The following CNTNAP2 variants were observed in gnomAD, a reference collection of about 807,000 sequenced individuals.
CNTNAP2 encodes the protein contactin associated protein 2, also known as contactin-associated protein-like 2.
In CNTNAP2, 98 loss-of-function variants were observed where a neutral mutation model predicts 155.2. The ratio of observed to expected loss-of-function variants is 0.63; its 90% confidence interval spans 0.54 to 0.75. The LOEUF (loss-of-function observed/expected upper bound fraction) is 0.75, where lower values mean the gene tolerates loss of function less well. Ranked by LOEUF, CNTNAP2 falls within the 30% of genes least tolerant of loss-of-function variation. The pLI, the probability that CNTNAP2 is intolerant of heterozygous loss-of-function variation, is 0.00. For missense variants in CNTNAP2, 1,727 were observed against 1,688.1 expected (o/e 1.02, Z -0.40); for synonymous variants, 651 against 631.2 (o/e 1.03, Z -0.47).
chr7:146,125,910 C>T (rs1403449053), intron 1 of CNTNAP2, among the ~76,000 whole-genome samples: 1 of 152,160 alleles, frequency 6.6e-6, no homozygotes, highest in Non-Finnish European at 1.5e-5. Flanking sequence ...CTCCAGGCAG[C>T]AGTACATATT....
In CNTNAP2 at chr7:147,908,560, TAGG is replaced by T. The variant is rs377656974; in HGVS notation, c.2255+4842_2255+4844del. 3.4e-4 allele frequency among the ~76,000 whole-genome samples: 52 copies of T among 152,244 alleles called. No individual in the cohort carries two copies. In the South Asian group the frequency reaches 0.011, roughly 31 times the overall value. On this transcript the variant is annotated intron_variant, in intron 14 of 23. Coordinates refer to ENST00000361727, the MANE Select transcript of CNTNAP2 (RefSeq NM_014141.6). ...TGACTTTGGGTGTAGTCTCTCTAAC[TAGG>T]AGAAGTGAGGAACACTGTCCAGGCA...
At chr7:146,527,266 G>A (rs938318731) in intron 1 of CNTNAP2, among the ~76,000 whole-genome samples, 3 of 152,122 alleles carry the variant, frequency 2.0e-5, no homozygotes, top group Non-Finnish European at 2.9e-5. Context: ...CAAGAAGAGA[G>A]CTTAGATTTT....
chr7:147,916,407 A>G (rs1800163082), intron 14 of CNTNAP2, among the ~76,000 whole-genome samples: 1 of 152,160 alleles, frequency 6.6e-6, no homozygotes, highest in African/African-American at 2.4e-5. Flanking sequence ...ACTGCCCCCA[A>G]ATAATATTGA....
At chr7:146,201,122 G>A (rs1258826251) in intron 1 of CNTNAP2, among the ~76,000 whole-genome samples, 1 of 152,094 alleles carries the variant, frequency 6.6e-6, no homozygotes, top group Non-Finnish European at 1.5e-5. Flanking sequence ...AACTTTTGCT[G>A]TGTAGAAAGG....
At chr7:148,328,431 C>T (rs912118852) in intron 21 of CNTNAP2, among the ~76,000 whole-genome samples, 1 of 152,152 alleles carries the variant, frequency 6.6e-6, no homozygotes, top group African/African-American at 2.4e-5. Context: ...GGAATGTCTG[C>T]TGCAGATTGT....
chr7:147,748,507 G>C (rs1407371840), intron 13 of CNTNAP2, among the ~76,000 whole-genome samples: 1 of 152,162 alleles, frequency 6.6e-6, no homozygotes, highest in African/African-American at 2.4e-5. Context: ...GAAATTTTAG[G>C]TTTCATAAAA....
At chr7:146,681,856 G>T (rs942849471) in intron 1 of CNTNAP2, among the ~76,000 whole-genome samples, 2 of 152,092 alleles carry the variant, frequency 1.3e-5, no homozygotes, top group Admixed American at 6.5e-5. Context: ...AGCTTCTAAT[G>T]CTTTCTACTC....
intron 1 of CNTNAP2, among the ~76,000 whole-genome samples, chr7:146,149,879 GAAAAAAAAA>G (rs377385260): frequency 1.7e-5 from 1 of 59,514 alleles, no homozygotes; most frequent in African/African-American, 6.7e-5. Flanking sequence ...TAGCCACAAA[GAAAAAAAAA>G]AAAAAAAAAA....
intron 1 of CNTNAP2, among the ~76,000 whole-genome samples, chr7:146,671,511 A>G (rs942618018): frequency 6.6e-6 from 1 of 151,986 alleles, no homozygotes; most frequent in Non-Finnish European, 1.5e-5. Flanking sequence ...AGCCTAAACC[A>G]TAATTGGGGT....
chr7:146,520,775 C>T (rs1018932986), intron 1 of CNTNAP2, among the ~76,000 whole-genome samples: 1 of 151,784 alleles, frequency 6.6e-6, no homozygotes, highest in African/African-American at 2.4e-5. Context: ...ATCTGGAAAG[C>T]GCTTCTTAAA....
intron 3 of CNTNAP2, among the ~76,000 whole-genome samples, chr7:146,932,271 G>A (rs1010521046): frequency 2.6e-5 from 4 of 152,126 alleles, no homozygotes; most frequent in Non-Finnish European, 4.4e-5. Flanking sequence ...GGGATGCAAG[G>A]CTGGTTCAAT....
chr7:148,191,418 A>G (rs1265599912), intron 18 of CNTNAP2, among the ~76,000 whole-genome samples: 1 of 152,152 alleles, frequency 6.6e-6, no homozygotes, highest in Non-Finnish European at 1.5e-5. Context: ...AACCATAGTC[A>G]TATATTTCTG....
intron 8 of CNTNAP2, among the ~76,000 whole-genome samples, chr7:147,227,035 AAGTAAGGAAGGGG>A (rs781435050): frequency 8.5e-5 from 13 of 152,324 alleles, no homozygotes; most frequent in Admixed American, 2.6e-4. Context: ...AAAACAAATA[AAGTAAGGAAGGGG>A]AGTGAAATAT....
At chr7:148,171,507 T>A (rs750099831) in intron 17 of CNTNAP2, among the ~76,000 whole-genome samples, 6 of 152,242 alleles carry the variant, frequency 3.9e-5, no homozygotes, top group Non-Finnish European at 5.9e-5. Context: ...GTGAAATTTC[T>A]TGGGAATATT....
intron 15 of CNTNAP2, among the ~76,000 whole-genome samples, chr7:148,064,411 T>C (rs997487121): frequency 2.0e-5 from 3 of 152,040 alleles, no homozygotes; most frequent in African/African-American, 7.2e-5. Context: ...CTTTCAGTCC[T>C]AGCCAGAGCA....
intron 3 of CNTNAP2, among the ~76,000 whole-genome samples, chr7:146,938,954 A>G (rs1189145140): frequency 1.3e-5 from 2 of 152,076 alleles, no homozygotes; most frequent in African/African-American, 4.8e-5. Flanking sequence ...CTTCTATCTA[A>G]GTTTTAGTGC....
intron 1 of CNTNAP2, among the ~76,000 whole-genome samples, chr7:146,287,954 A>G: frequency 6.6e-6 from 1 of 152,146 alleles, no homozygotes; most frequent in East Asian, 1.9e-4. Flanking sequence ...TTAAATTTGT[A>G]TTAAATTTTC....
intron 9 of CNTNAP2, among the ~76,000 whole-genome samples, chr7:147,348,931 A>C (rs1795924733): frequency 6.6e-6 from 1 of 151,996 alleles, no homozygotes; most frequent in South Asian, 2.1e-4. Context: ...GCAAGCTTAA[A>C]AATGTTGATC....
At chr7:148,139,130 T>C (rs186635488) in intron 16 of CNTNAP2, among the ~76,000 whole-genome samples, 17 of 152,360 alleles carry the variant, frequency 1.1e-4, no homozygotes, top group African/African-American at 4.1e-4. Context: ...GTTATCGAGA[T>C]ACCAGAGATT....
Sources: allele counts gnomAD v4.1 joint callset (sites outside exome capture counted in the v4.1 genomes callset), GRCh38; gene constraint gnomAD v4.1.1; transcripts MANE v1.5; gene names NCBI Gene and HGNC (gene_info 2026-07-23, HGNC 2026-07-21).